The following STXBP5L variants were observed in gnomAD, a reference collection of about 807,000 sequenced individuals.
STXBP5L encodes the protein syntaxin-binding protein 5-like.
Under a neutral mutation model 144.5 loss-of-function variants are expected in STXBP5L, and 65 were observed. The ratio of observed to expected loss-of-function variants is 0.45; its 90% CI spans 0.37 to 0.55. The LOEUF (loss-of-function observed/expected upper bound fraction) is 0.55, where lower values mean the gene tolerates loss of function less well. STXBP5L is among the 20% of genes least tolerant of loss of function. The probability of loss-of-function intolerance (pLI) is 0.00; values close to 1 mark genes in which losing one functional copy is unlikely to be tolerated. For missense variants in STXBP5L, 1,298 were observed against 1,405.5 expected, an observed-to-expected ratio of 0.92 and a Z score of 1.22; for synonymous variants, 505 against 469.6, an observed-to-expected ratio of 1.08 and a Z score of -0.97.
intron 20 of STXBP5L, among the ~76,000 whole-genome samples, chr3:121,348,965 T>A (rs535265535): frequency 6.6e-6 from 1 of 152,282 alleles, no homozygotes; most frequent in East Asian, 1.9e-4. Flanking sequence ...CCTTCAGTTC[T>A]GCTCTGATGT....
At chr3:121,250,244 C>T (rs905659581) in intron 14 of STXBP5L, among the ~76,000 whole-genome samples, 1 of 151,784 alleles carries the variant, frequency 6.6e-6, no homozygotes, top group South Asian at 2.1e-4. Context: ...TCTATTTTCT[C>T]GATGAGTTTT....
At chr3:120,954,387 C>G (rs953353396) in intron 2 of STXBP5L, among the ~76,000 whole-genome samples, 1 of 152,056 alleles carries the variant, frequency 6.6e-6, no homozygotes. Flanking sequence ...ATCAATAACT[C>G]TTCAAGACAA....
intron 3 of STXBP5L, among the ~76,000 whole-genome samples, chr3:121,019,624 C>A (rs1311002260): frequency 6.6e-6 from 1 of 152,154 alleles, no homozygotes; most frequent in Non-Finnish European, 1.5e-5. Flanking sequence ...CACCCAGTAC[C>A]AGCCCAGAGC....
At position 121,036,833 on chromosome 3, in the gene STXBP5L, GGTTA is replaced by G. The variant is rs1443008798; in HGVS notation, c.288-4862_288-4859del. Among the ~76,000 whole-genome samples, 4 of 122,322 alleles carry G rather than the reference GGTTA, an allele frequency of 3.3e-5. No homozygotes were observed. The East Asian group carries it at 9.0e-4, about 27-fold the overall frequency. The allele number at this position is 122,322 out of a possible 152,430, so 80.2% of individuals were successfully genotyped here. On this transcript the variant is annotated intron_variant, in intron 3 of 26. Transcript: ENST00000471454. ...TTAGGGTACATGTGCACATTGTGCA[GGTTA>G]GTTACATATGTATTTTTAAATGTTC...
chr3:121,154,946 AT>A (rs2046062144), intron 8 of STXBP5L, among the ~76,000 whole-genome samples: 1 of 151,638 alleles, frequency 6.6e-6, no homozygotes, highest in Admixed American at 6.6e-5. Flanking sequence ...TGTCTCATTT[AT>A]TTCCTCTTTT....
chr3:121,080,172 A>G (rs948286667), intron 5 of STXBP5L, among the ~76,000 whole-genome samples: 4 of 152,040 alleles, frequency 2.6e-5, no homozygotes, highest in African/African-American at 9.7e-5. Context: ...TTCCATTGGC[A>G]TGGAACATGT....
chr3:121,213,301 G>A (rs1257416017), intron 10 of STXBP5L, among the ~76,000 whole-genome samples: 1 of 152,122 alleles, frequency 6.6e-6, no homozygotes, highest in African/African-American at 2.4e-5. Context: ...TTTTCAAAGG[G>A]AATGCTTCCA....
chr3:120,916,740 A>G (rs1709121219), intron 2 of STXBP5L, among the ~76,000 whole-genome samples: 2 of 152,318 alleles, frequency 1.3e-5, no homozygotes, highest in South Asian at 2.1e-4. Flanking sequence ...CTGGATTTAG[A>G]AAGTAAAGAT....
At chr3:121,384,894 A>G (rs149030935) in intron 22 of STXBP5L, among the ~76,000 whole-genome samples, 38 of 152,108 alleles carry the variant, frequency 2.5e-4, no homozygotes, top group African/African-American at 8.7e-4. Flanking sequence ...ACTTGGTGAG[A>G]AATTTGTTAA....
intron 5 of STXBP5L, among the ~76,000 whole-genome samples, chr3:121,092,035 A>C (rs1178657491): frequency 3.3e-5 from 5 of 151,992 alleles, no homozygotes; most frequent in East Asian, 1.9e-4. Flanking sequence ...AATAGGGAAT[A>C]CTTTCCCCAT....
intron 7 of STXBP5L, among the ~76,000 whole-genome samples, chr3:121,149,832 G>T (rs2045866466): frequency 6.6e-6 from 1 of 151,844 alleles, no homozygotes; most frequent in Non-Finnish European, 1.5e-5. Flanking sequence ...TCTTGAATAA[G>T]GTGGCTCATT....
chr3:121,245,475 G>A (rs890354882), intron 14 of STXBP5L, among the ~76,000 whole-genome samples: 4 of 151,862 alleles, frequency 2.6e-5, no homozygotes, highest in African/African-American at 4.8e-5. Context: ...TATGTTAAAT[G>A]TAAATTGATT....
Position 120,974,942 on chromosome 3 carries a change from T to G in STXBP5L, c.287+19905T>G, listed in dbSNP as rs372116824. The stretch of plus-strand genomic sequence containing the variant: ...CCAGTACCATGCTGTTTTGGTTACT[T>G]TAGCCTTGTAGTATAGTTTGAAGTC... On this transcript the variant is annotated intron_variant, in intron 3 of 26. Transcript: ENST00000471454. 1.8e-3 allele frequency among the ~76,000 whole-genome samples: 268 copies of G among 152,152 alleles called. 1 individual carries two copies. Among genetic ancestry groups the G allele is most frequent in the Middle Eastern group, 0.01 (3 of 294 alleles).
intron 5 of STXBP5L, among the ~76,000 whole-genome samples, chr3:121,092,721 G>A (rs1026531742): frequency 2.0e-5 from 3 of 152,102 alleles, no homozygotes; most frequent in Non-Finnish European, 4.4e-5. Context: ...CTGCAAACAG[G>A]GACAATTTGA....
At position 121,041,624 on chromosome 3, in the gene STXBP5L, T is replaced by A. The variant is rs1315772060; in HGVS notation, c.288-76T>A. 3.7e-6 allele frequency: 4 copies of A among 1,085,704 alleles called. No individual in the cohort carries two copies. The African/African-American group carries it at 4.7e-5, about 13-fold the overall frequency. The allele number at this position is 1,085,704 out of a possible 1,614,324, so 67.3% of individuals were successfully genotyped here. A position where few individuals can be genotyped will look rare whatever the true frequency, so the allele number is the denominator to read the frequency against. On this transcript the variant is annotated intron_variant, in intron 3 of 26. Coordinates refer to ENST00000471454, the MANE Select transcript of STXBP5L (RefSeq NM_001308330.2). ...AACCAAATAGCAAAACATCTGTTGA[T>A]CAATAAGTTAGTTTCTTTGCTCATT...
intron 3 of STXBP5L, among the ~76,000 whole-genome samples, chr3:121,027,702 C>A (rs1325602718): frequency 6.6e-6 from 1 of 151,922 alleles, no homozygotes; most frequent in African/African-American, 2.4e-5. Flanking sequence ...CTGAATAATC[C>A]AAGATAATCT....
intron 7 of STXBP5L, among the ~76,000 whole-genome samples, chr3:121,123,497 C>G (rs1239828195): frequency 6.6e-6 from 1 of 150,656 alleles, no homozygotes; most frequent in African/African-American, 2.4e-5. Flanking sequence ...AGAAAAGTTG[C>G]AGAACAGTAA....
At chr3:121,087,727 T>A (rs183575333) in intron 5 of STXBP5L, among the ~76,000 whole-genome samples, 1 of 152,140 alleles carries the variant, frequency 6.6e-6, no homozygotes, top group East Asian at 1.9e-4. Context: ...GTTGTTCTAT[T>A]TGTTATTGCT....
chr3:121,032,051 C>A (rs1195004109), intron 3 of STXBP5L, among the ~76,000 whole-genome samples: 2 of 151,996 alleles, frequency 1.3e-5, no homozygotes, highest in African/African-American at 2.4e-5. Context: ...TATTTAGATA[C>A]ATTTTCTGAA....
Sources: allele counts gnomAD v4.1 joint callset (sites outside exome capture counted in the v4.1 genomes callset), GRCh38; gene constraint gnomAD v4.1.1; transcripts MANE v1.5; gene names NCBI Gene and HGNC (gene_info 2026-07-23, HGNC 2026-07-21).